The following C22orf23 variants were observed in gnomAD, a reference collection of about 807,000 sequenced individuals.
C22orf23 encodes the protein chromosome 22 open reading frame 23.
A neutral mutation model predicts 29.7 loss-of-function variants in C22orf23; 30 were observed. That is an observed-to-expected ratio of 1.01 (90% CI 0.76 to 1.37). The LOEUF is 1.37. C22orf23 is among the 40% of genes most tolerant of loss of function. The pLI, the probability that C22orf23 is intolerant of heterozygous loss-of-function variation, is 0.00. For missense variants in C22orf23, 237 were observed against 273.1 expected (o/e 0.87, Z 0.93); for synonymous variants, 90 against 96.1 (o/e 0.94, Z 0.37).
chr22:37,946,873 TAAA>T (rs11361013), intron 4 of C22orf23, among the ~76,000 whole-genome samples: 10 of 115,078 alleles, frequency 8.7e-5, no homozygotes, highest in Non-Finnish European at 1.1e-4. Flanking sequence ...GCTCTGTCTT[TAAA>T]AAAAAAAAAA....
intron 3 of C22orf23, among the ~76,000 whole-genome samples, chr22:37,949,462 T>G (rs1391291095): frequency 9.7e-5 from 14 of 144,478 alleles, no homozygotes; most frequent in African/African-American, 3.1e-4. Context: ...TTTTTTTTTT[T>G]TTTTTTTTTT....
chr22:37,947,162 C>T (rs1421311614), intron 4 of C22orf23, 119 bp downstream of exon 4: 1 of 1,072,232 alleles, frequency 9.3e-7, no homozygotes, highest in Admixed American at 2.1e-5. Context: ...AGCATTGGTA[C>T]AAAGTGCATG....
chr22:37,953,162 A>G lies in C22orf23; in HGVS notation c.-9-4T>C, dbSNP rs1199530603. On this transcript the variant is annotated splice_polypyrimidine_tract_variant and splice_region_variant and intron_variant, in intron 1 of 6. Coordinates refer to ENST00000403305, the MANE Select transcript of C22orf23 (RefSeq NM_032561.5). ...TCTGTGAAGCCATGGGAGGACTCTG[A>G]GGAGGGAAAGACGCAATGACACACC... 11 of 1,597,638 alleles carry G rather than the reference A, an allele frequency of 6.9e-6. No homozygotes were observed. The highest frequency in any genetic ancestry group is 9.4e-6 in the Non-Finnish European group (11 of 1,166,386).
Position 37,944,530 on chromosome 22 carries a change from G to A in C22orf23, c.482-13C>T. 1 of 1,610,684 alleles carries A rather than the reference G, an allele frequency of 6.2e-7. No individual in the cohort carries two copies. Among genetic ancestry groups the A allele is most frequent in the East Asian group, 2.2e-5 (1 of 44,850 alleles). ...ATTTCCTTCACCACTGGACAGAGGA[G>A]AGGGCTGTCAGGTTCCCATGAGGGA... On this transcript the variant is annotated splice_polypyrimidine_tract_variant and intron_variant, in intron 5 of 6. Transcript: ENST00000403305.
Position 37,944,459 on chromosome 22 carries a change from C to G in C22orf23, c.540G>C (p.Gln180His). Residue 180 changes from glutamine (Q) to histidine (H), a missense_variant, in exon 6 of 7, where the codon CAG (glutamine) becomes CAC (histidine). Gln to His is a conservative substitution (Grantham distance 24). Coordinates refer to ENST00000403305, the MANE Select transcript of C22orf23 (RefSeq NM_032561.5). ...GGATGATTCCTCGGTACTGTTTGCC[C>G]TGTCCCAGGGCCTCCATGTCAGCCA... ...EFLADMEALG[Q>H]GKQYRGIILA... is the part of the protein sequence containing the mutation. 1 of 1,614,200 alleles carries G rather than the reference C, an allele frequency of 6.2e-7. No homozygotes were observed. The highest frequency in any genetic ancestry group is 8.5e-7 in the Non-Finnish European group (1 of 1,180,044).
At chr22:37,947,224 C>G in intron 4 of C22orf23, 57 bp downstream of exon 4, 1 of 1,593,864 alleles carries the variant, frequency 6.3e-7, no homozygotes, top group South Asian at 1.1e-5. Flanking sequence ...TTGCGTCCCT[C>G]TCCCTTGTCC....
Position 37,951,514 on chromosome 22 carries a change from T to C in C22orf23, c.112A>G (p.Lys38Glu). The C allele has an allele frequency of 6.2e-7, 1 of 1,613,972 alleles. No homozygotes were observed. The highest frequency in any genetic ancestry group is 8.5e-7 in the Non-Finnish European group (1 of 1,179,970). Residue 38 changes from lysine (K) to glutamate (E), a missense_variant, in exon 3 of 7, where the codon AAG becomes GAG. By Grantham distance (56) the Lys-to-Glu change is moderately conservative (BLOSUM62 1). Transcript: ENST00000403305. ...TGGATGTTCGTCAGTTTGGATTCCTTCATCATCACTGCACGACAAAGCATT... is the reference window on the plus strand; with the variant it reads ...TGGATGTTCGTCAGTTTGGATTCCTCCATCATCACTGCACGACAAAGCATT... ...GTCELLRVMM[K>E]ESKLTNIQQR...
Position 37,944,886 on chromosome 22 carries a change from G to A in C22orf23, c.481+156C>T, listed in dbSNP as rs1930601735. ...CTGCACTCTAGCCTGGGCAATAAGAGCAAGACTGTCTCAAAATAAATAAAT... is the reference window on the plus strand; with the variant it reads ...CTGCACTCTAGCCTGGGCAATAAGAACAAGACTGTCTCAAAATAAATAAAT... On this transcript the variant is annotated intron_variant, in intron 5 of 6. Transcript: ENST00000403305. 4.7e-6 allele frequency: 4 copies of A among 843,388 alleles called. No individual in the cohort carries two copies. The South Asian group carries it at 8.2e-5, about 17-fold the overall frequency. The allele number at this position is 843,388 out of a possible 1,614,324, so 52.2% of individuals were successfully genotyped here.
At chr22:37,949,957 C>T (rs555642982) in intron 3 of C22orf23, among the ~76,000 whole-genome samples, 1 of 152,190 alleles carries the variant, frequency 6.6e-6, no homozygotes, top group East Asian at 1.9e-4. Context: ...CCTGCCTCAG[C>T]TTCCTGAGTA....
chr22:37,951,847 A>G (rs1358059711), intron 2 of C22orf23: 3 of 84,292 alleles, frequency 3.6e-5, no homozygotes, highest in Admixed American at 1.9e-4. Flanking sequence ...TGGAGCTTCC[A>G]TCTTGTTGCC....
intron 4 of C22orf23, 116 bp downstream of exon 4, chr22:37,947,165 A>C: frequency 9.2e-7 from 1 of 1,087,518 alleles, no homozygotes; most frequent in Non-Finnish European, 1.4e-6. Flanking sequence ...ATTGGTACAA[A>C]GTGCATGGGG....
intron 3 of C22orf23, 89 bp downstream of exon 3, chr22:37,951,371 T>C (rs549313801): frequency 8.5e-7 from 1 of 1,173,176 alleles, no homozygotes; most frequent in Admixed American, 2.0e-5. Flanking sequence ...TTTTTTTATA[T>C]GAGGTCCTCT....
At chr22:37,949,816 A>C (rs543653813) in intron 3 of C22orf23, among the ~76,000 whole-genome samples, 1 of 152,054 alleles carries the variant, frequency 6.6e-6, no homozygotes, top group South Asian at 2.1e-4. Flanking sequence ...AGCCTCTACA[A>C]GGTCAATTCC....
At chr22:37,953,427 A>T in intron 1 of C22orf23, 21 bp downstream of exon 1, 1 of 538,108 alleles carries the variant, frequency 1.9e-6, no homozygotes, top group Non-Finnish European at 3.3e-6. Context: ...ACTGAGTGAT[A>T]TGCCAAAATT....
At chr22:37,945,618 A>C (rs984773180) in intron 4 of C22orf23, among the ~76,000 whole-genome samples, 1 of 149,978 alleles carries the variant, frequency 6.7e-6, no homozygotes, top group African/African-American at 2.4e-5. Flanking sequence ...CCTCCCGAGT[A>C]GCTGGGACTA....
intron 5 of C22orf23, chr22:37,944,721 A>C: frequency 1.7e-6 from 1 of 572,664 alleles, no homozygotes; most frequent in Non-Finnish European, 3.1e-6. Flanking sequence ...CAACATGGTG[A>C]AACCCCGTGT....
At chr22:37,945,810 TAAAAA>T (rs1169265242) in intron 4 of C22orf23, among the ~76,000 whole-genome samples, 1 of 80,814 alleles carries the variant, frequency 1.2e-5, no homozygotes, top group Admixed American at 1.5e-4. Context: ...ATCCTATCTC[TAAAAA>T]AAAAAAAAAA....
At chr22:37,949,233 C>G (rs1415027221) in intron 3 of C22orf23, among the ~76,000 whole-genome samples, 2 of 151,886 alleles carry the variant, frequency 1.3e-5, no homozygotes, top group African/African-American at 4.8e-5. Flanking sequence ...GGTCAGTTGA[C>G]CCCACCTCTC....
Position 37,951,440 on chromosome 22 carries a change from C to T in C22orf23, c.166+20G>A. The stretch of plus-strand genomic sequence containing the variant: ...CCCCAGATCCCTCTGTCCAGGAAGC[C>T]TCTGTGGACTGCCCCTTACTTTTCA... On this transcript the variant is annotated intron_variant, in intron 3 of 6. Coordinates refer to ENST00000403305, the MANE Select transcript of C22orf23 (RefSeq NM_032561.5). 6.2e-7 allele frequency: 1 copy of T among 1,610,034 alleles called. No individual in the cohort carries two copies. The highest frequency in any genetic ancestry group is 8.5e-7 in the Non-Finnish European group (1 of 1,176,388).
Sources: gnomAD v4.1 joint callset for allele counts (sites outside exome capture counted in the v4.1 genomes callset) on GRCh38, gnomAD v4.1.1 for gene constraint, MANE v1.5 for transcripts, NCBI Gene and HGNC (gene_info 2026-07-23, HGNC 2026-07-21) for gene names.